The following DTNA variants were observed in gnomAD, a reference collection of about 807,000 sequenced individuals.
DTNA encodes the protein dystrobrevin alpha.
A neutral mutation model predicts 100.7 loss-of-function variants in DTNA; 43 were observed. The observed-to-expected ratio is 0.43, with a 90% CI of 0.33 to 0.55. DTNA has a LOEUF of 0.55. DTNA is among the 20% of genes least tolerant of loss of function. DTNA has a pLI of 0.04. For missense variants in DTNA, 798 were observed against 953.9 expected (o/e 0.84, Z 2.15); for synonymous variants, 349 against 347.9 (o/e 1.00, Z -0.04).
At chr18:34,588,257 A>C (rs2049339165) in intron 1 of DTNA, among the ~76,000 whole-genome samples, 1 of 152,194 alleles carries the variant, frequency 6.6e-6, no homozygotes, top group Non-Finnish European at 1.5e-5. Flanking sequence ...TTTTATGAGA[A>C]GAAATCACAA....
chr18:34,685,286 T>C (rs1250813816), intron 1 of DTNA, among the ~76,000 whole-genome samples: 1 of 152,344 alleles, frequency 6.6e-6, no homozygotes, highest in Admixed American at 6.5e-5. Flanking sequence ...TACATTTAAG[T>C]CTTTAATCCA....
intron 17 of DTNA, chr18:34,868,140 T>C: frequency 1.9e-6 from 1 of 533,704 alleles, no homozygotes; most frequent in Non-Finnish European, 2.4e-6. Flanking sequence ...ACTCTGCATG[T>C]TCTGGCAATG....
At chr18:34,736,874 C>T (rs764091948) in intron 1 of DTNA, among the ~76,000 whole-genome samples, 1 of 152,038 alleles carries the variant, frequency 6.6e-6, no homozygotes, top group Non-Finnish European at 1.5e-5. Context: ...AATGACAAAA[C>T]CTGGGGGATA....
At chr18:34,812,832 C>T (rs553422011) in intron 6 of DTNA, among the ~76,000 whole-genome samples, 7 of 152,172 alleles carry the variant, frequency 4.6e-5, no homozygotes, top group Non-Finnish European at 1.0e-4. Context: ...GAAATATATG[C>T]TTGACCCGGC....
At chr18:34,524,564 T>A (rs1053590388) in intron 1 of DTNA, among the ~76,000 whole-genome samples, 1 of 152,134 alleles carries the variant, frequency 6.6e-6, no homozygotes, top group Admixed American at 6.6e-5. Context: ...ATAGCCTGTT[T>A]GAAGAGATAA....
At chr18:34,553,861 C>A (rs2045728111) in intron 1 of DTNA, among the ~76,000 whole-genome samples, 1 of 152,048 alleles carries the variant, frequency 6.6e-6, no homozygotes, top group African/African-American at 2.4e-5. Context: ...GTGATGCGGG[C>A]TCTTTTTTTG....
intron 1 of DTNA, among the ~76,000 whole-genome samples, chr18:34,749,108 G>C (rs1233957012): frequency 6.6e-6 from 1 of 152,140 alleles, no homozygotes; most frequent in African/African-American, 2.4e-5. Flanking sequence ...TTCTGGATTT[G>C]GTTCTCAGCT....
intron 1 of DTNA, among the ~76,000 whole-genome samples, chr18:34,576,347 A>G (rs1299977353): frequency 6.6e-6 from 1 of 152,226 alleles, no homozygotes; most frequent in Non-Finnish European, 1.5e-5. Flanking sequence ...GACAATCAAG[A>G]CAAACTTGCA....
chr18:34,564,916 C>T (rs1301714705), intron 1 of DTNA, among the ~76,000 whole-genome samples: 1 of 152,100 alleles, frequency 6.6e-6, no homozygotes, highest in Non-Finnish European at 1.5e-5. Context: ...CCAAGCAAAG[C>T]TTTTATGTCT....
At chr18:34,842,116 T>C (rs182200609) in intron 13 of DTNA, among the ~76,000 whole-genome samples, 2 of 152,252 alleles carry the variant, frequency 1.3e-5, no homozygotes, top group African/African-American at 4.8e-5. Context: ...GCTTGTCAAA[T>C]TCCTGGGCTT....
chr18:34,793,001 T>C (rs9950298), intron 3 of DTNA, among the ~76,000 whole-genome samples: 3,847 of 152,294 alleles, frequency 0.025, 169 homozygotes, highest in African/African-American at 0.087. Flanking sequence ...ATCCATATAA[T>C]GGAATACTAC....
At chr18:34,884,884 T>C in intron 22 of DTNA, 108 bp downstream of exon 22, 1 of 1,290,768 alleles carries the variant, frequency 7.7e-7, no homozygotes, top group Non-Finnish European at 1.1e-6. Flanking sequence ...TTCTATGTGA[T>C]AAAATACCCT....
chr18:34,834,762 C>T (rs2096099749), intron 11 of DTNA, among the ~76,000 whole-genome samples: 1 of 152,122 alleles, frequency 6.6e-6, no homozygotes, highest in Non-Finnish European at 1.5e-5. Context: ...GGCACCAAGC[C>T]ATTCATGAGG....
At chr18:34,524,387 A>G (rs1385511318) in intron 1 of DTNA, among the ~76,000 whole-genome samples, 1 of 152,164 alleles carries the variant, frequency 6.6e-6, no homozygotes, top group African/African-American at 2.4e-5. Context: ...ATTTATATTT[A>G]CCGTTAAAAA....
At chr18:34,776,218 C>G (rs2094039324) in intron 3 of DTNA, among the ~76,000 whole-genome samples, 1 of 152,262 alleles carries the variant, frequency 6.6e-6, no homozygotes, top group Non-Finnish European at 1.5e-5. Flanking sequence ...AAGGCAGGAT[C>G]TGGACAAGGA....
chr18:34,713,614 G>A (rs941150871), intron 1 of DTNA, among the ~76,000 whole-genome samples: 16 of 151,318 alleles, frequency 1.1e-4, no homozygotes, highest in Admixed American at 7.3e-4. Flanking sequence ...TTGGCGATGC[G>A]GGCTCTTTTT....
intron 14 of DTNA, among the ~76,000 whole-genome samples, chr18:34,851,311 A>G (rs951110335): frequency 1.3e-5 from 2 of 152,174 alleles, no homozygotes; most frequent in African/African-American, 4.8e-5. Context: ...CATGTTGGCC[A>G]GACTGGTCTC....
rs9962607 is a variant in DTNA at position 34,876,440 on chromosome 18, A to C, written c.1903+1042A>C. On this transcript the variant is annotated intron_variant, in intron 18 of 22. Transcript: ENST00000444659. ...TTTCAGTTATACAAAAATCATGTAG[A>C]GATCAGAAAGAATAGACACCACCAA... is the stretch of plus-strand genomic sequence containing the variant. 7.0e-3 allele frequency among the ~76,000 whole-genome samples: 1,065 copies of C among 152,328 alleles called. 16 individuals are homozygous for C. Among genetic ancestry groups the C allele is most frequent in the African/African-American group, 0.024 (1,015 of 41,576 alleles).
At chr18:34,671,195 A>G (rs1173712127) in intron 1 of DTNA, among the ~76,000 whole-genome samples, 3 of 152,174 alleles carry the variant, frequency 2.0e-5, no homozygotes, top group Admixed American at 6.5e-5. Context: ...GCAATGAGTG[A>G]GGCTCCGTGG....
Sources: allele counts gnomAD v4.1 joint callset (sites outside exome capture counted in the v4.1 genomes callset), GRCh38; gene constraint gnomAD v4.1.1; transcripts MANE v1.5; gene names NCBI Gene and HGNC (gene_info 2026-07-23, HGNC 2026-07-21).